Variants in KLF8 observed in about 807,000 individuals in gnomAD.
The protein encoded by KLF8 is KLF transcription factor 8, also known as Krueppel-like factor 8.
Under a neutral mutation model 18.2 loss-of-function variants are expected in KLF8, and 10 were observed. The observed-to-expected ratio is 0.55, with a 90% CI of 0.34 to 0.93. The LOEUF (loss-of-function observed/expected upper bound fraction) is 0.93, where lower values mean the gene tolerates loss of function less well. KLF8 is among the 40% of genes least tolerant of loss of function. KLF8 has a pLI of 0.02. For synonymous variants in KLF8, 109 were observed against 97.3 expected (o/e 1.12, Z -0.71); for missense variants, 264 against 277.9 (o/e 0.95, Z 0.36).
At chrX:56,188,956 A>C in the KLF8 span, among the ~76,000 whole-genome samples, 1 of 111,984 alleles carries the variant, frequency 8.9e-6, no homozygotes, top group South Asian at 3.7e-4. Context: ...GGACATAGGC[A>C]TGGGCAAGGA....
the KLF8 span, among the ~76,000 whole-genome samples, chrX:56,114,647 G>T: frequency 8.9e-6 from 1 of 112,436 alleles, no homozygotes. Flanking sequence ...TGAATGCCTG[G>T]GCTAAATCAA....
the KLF8 span, among the ~76,000 whole-genome samples, chrX:56,102,999 A>G: frequency 9.6e-6 from 1 of 104,139 alleles, no homozygotes; most frequent in African/African-American, 3.5e-5. Flanking sequence ...GATCAACTCA[A>G]TCTCTAGCCC....
At chrX:56,134,547 A>G in the KLF8 span, among the ~76,000 whole-genome samples, 1 of 112,028 alleles carries the variant, frequency 8.9e-6, no homozygotes, top group Non-Finnish European at 1.9e-5. Context: ...ACCTGAAACT[A>G]TAAACATTCT....
the KLF8 span, among the ~76,000 whole-genome samples, chrX:55,943,062 C>A: frequency 2.5e-5 from 1 of 40,155 alleles, no homozygotes; most frequent in Admixed American, 1.8e-4. Context: ...TAGAGTTGAC[C>A]AGACTTAATG....
At chrX:56,188,324 G>A in the KLF8 span, among the ~76,000 whole-genome samples, 2 of 111,347 alleles carry the variant, frequency 1.8e-5, no homozygotes, top group Non-Finnish European at 3.8e-5. Flanking sequence ...GGATGTGAAG[G>A]ACCTCTTCAA....
At chrX:56,040,700 C>A in the KLF8 span, among the ~76,000 whole-genome samples, 1 of 105,657 alleles carries the variant, frequency 9.5e-6, no homozygotes, top group South Asian at 4.4e-4. Context: ...GTATCTCTTC[C>A]AGGTTTTGTT....
the KLF8 span, among the ~76,000 whole-genome samples, chrX:55,996,625 G>T: frequency 9.0e-6 from 1 of 111,671 alleles, no homozygotes; most frequent in Non-Finnish European, 1.9e-5. Flanking sequence ...ATGATTTCTG[G>T]GGTCGAAGGA....
chrX:56,051,572 T>C, the KLF8 span, among the ~76,000 whole-genome samples: 2 of 111,149 alleles, frequency 1.8e-5, no homozygotes, highest in South Asian at 3.8e-4. Flanking sequence ...AAAATTCTTT[T>C]CTTTAAGAAT....
the KLF8 span, among the ~76,000 whole-genome samples, chrX:56,031,063 T>G: frequency 9.0e-6 from 1 of 111,061 alleles, no homozygotes; most frequent in Non-Finnish European, 1.9e-5. Context: ...GGCCAATCTA[T>G]TTCACACAAA....
At chrX:56,119,080 G>A in the KLF8 span, among the ~76,000 whole-genome samples, 1 of 111,250 alleles carries the variant, frequency 9.0e-6, no homozygotes, top group African/African-American at 3.3e-5. Flanking sequence ...TCTTATCTGA[G>A]CCATGGAATC....
the KLF8 span, among the ~76,000 whole-genome samples, chrX:55,950,643 G>A: frequency 9.0e-6 from 1 of 111,531 alleles, no homozygotes; most frequent in Non-Finnish European, 1.9e-5. Context: ...CCCTGTCTAG[G>A]CAAGCCCCTG....
At chrX:56,161,176 T>C in the KLF8 span, among the ~76,000 whole-genome samples, 1 of 111,950 alleles carries the variant, frequency 8.9e-6, no homozygotes, top group African/African-American at 3.2e-5. Context: ...TATGAAATTC[T>C]GGGTTGAAAA....
At chrX:55,992,926 A>C in the KLF8 span, among the ~76,000 whole-genome samples, 1 of 111,400 alleles carries the variant, frequency 9.0e-6, no homozygotes, top group African/African-American at 3.3e-5. Context: ...TAGAAATGCT[A>C]CTGATTTTTG....
chrX:56,244,349 G>T (rs756327331), intron 1 of KLF8, among the ~76,000 whole-genome samples: 27 of 111,242 alleles, frequency 2.4e-4, no homozygotes, highest in Non-Finnish European at 4.9e-4. Flanking sequence ...CAACATGCCT[G>T]GCTAATTTTT....
At chrX:56,052,580 G>A in the KLF8 span, among the ~76,000 whole-genome samples, 10 of 111,820 alleles carry the variant, frequency 8.9e-5, no homozygotes, top group African/African-American at 1.9e-4. Flanking sequence ...TAGGCTGCCC[G>A]GGGGTCAGGG....
the KLF8 span, among the ~76,000 whole-genome samples, chrX:56,198,814 G>T: frequency 8.9e-6 from 1 of 111,833 alleles, no homozygotes; most frequent in African/African-American, 3.3e-5. Context: ...AAAGCTGGAG[G>T]CATCATGCTA....
intron 1 of KLF8, among the ~76,000 whole-genome samples, chrX:56,244,870 A>C (rs768129729): frequency 8.9e-6 from 1 of 112,514 alleles, no homozygotes; most frequent in African/African-American, 3.2e-5. Context: ...TATCTGCTTA[A>C]GATCTTCCTA....
rs927998818 is a variant in KLF8, at chrX:56,287,582, T to A, written c.*3088T>A. 1.8e-5 allele frequency: 2 copies of A among 112,178 alleles called. No individual in the cohort carries two copies. The highest frequency in any genetic ancestry group is 6.5e-5 in the African/African-American group (2 of 30,876). The allele number at this position is 112,178 out of a possible 1,213,427, so 9.2% of individuals were successfully genotyped here. On this transcript the variant is annotated 3_prime_UTR_variant, in exon 6 of 6. Transcript: ENST00000468660. ...GCAGCAGAATTCCTCTATCTGATGA[T>A]CAGCAGTTGAACATAAACTTCATAA...
At chrX:56,088,847 G>A in the KLF8 span, among the ~76,000 whole-genome samples, 1 of 111,383 alleles carries the variant, frequency 9.0e-6, no homozygotes, top group Non-Finnish European at 1.9e-5. Flanking sequence ...ACAAAGAACA[G>A]CCTCACTATG....
Sources: allele counts gnomAD v4.1 joint callset (sites outside exome capture counted in the v4.1 genomes callset), GRCh38; gene constraint gnomAD v4.1.1; transcripts MANE v1.5; gene names NCBI Gene and HGNC (gene_info 2026-07-23, HGNC 2026-07-21).